NLRP5: variants seen among roughly 807,000 people sequenced by gnomAD.
NLRP5 encodes the protein NLR family pyrin domain containing 5.
In NLRP5, 93 loss-of-function variants were observed where a neutral mutation model predicts 113.1. The observed-to-expected ratio is 0.82, with a 90% CI of 0.70 to 0.98. NLRP5 has a LOEUF of 0.98. Among genes scored for constraint, NLRP5 ranks in the 50% least tolerant of loss-of-function variants. The pLI, the probability that NLRP5 is intolerant of heterozygous loss-of-function variation, is 0.00. For synonymous variants in NLRP5, 751 were observed against 600.7 expected (o/e 1.25, Z -3.66); for missense variants, 1,808 against 1,514.3 (o/e 1.19, Z -3.22).
upstream of NLRP5, among the ~76,000 whole-genome samples, chr19:55,997,025 A>C (rs914119708): frequency 6.6e-6 from 1 of 152,098 alleles, no homozygotes; most frequent in Non-Finnish European, 1.5e-5. Flanking sequence ...AATGATCACC[A>C]TTCTAACTGG....
At position 56,005,107 on chromosome 19, in the gene NLRP5, A is replaced by AAAG. The variant is rs1173746273; in HGVS notation, c.442+1013_442+1014insAGA. On this transcript the variant is annotated intron_variant, in intron 2 of 14. Coordinates refer to ENST00000390649, the MANE Select transcript of NLRP5 (RefSeq NM_153447.4). ...AGACTGTGTCTCAAAAAAAAAAAAA[A>AAAG]ATATATATATATATATATAATATAT... Among the ~76,000 whole-genome samples, 224 of 95,326 alleles carry AAAG rather than the reference A, an allele frequency of 2.3e-3. 11 individuals carry two copies. The highest frequency in any genetic ancestry group is 8.3e-3 in the African/African-American group (213 of 25,818). The allele number at this position is 95,326 out of a possible 152,430, so 62.5% of individuals were successfully genotyped here. A position where few individuals can be genotyped will look rare whatever the true frequency, so the allele number is the denominator to read the frequency against.
intron 3 of NLRP5, among the ~76,000 whole-genome samples, chr19:56,010,298 C>T (rs1053047981): frequency 6.6e-6 from 1 of 152,140 alleles, no homozygotes; most frequent in African/African-American, 2.4e-5. Flanking sequence ...TAAATTGAGG[C>T]AAGGTGGGCT....
At chr19:56,009,028 T>C (rs1388795308) in intron 3 of NLRP5, among the ~76,000 whole-genome samples, 175 bp downstream of exon 3, 1 of 152,086 alleles carries the variant, frequency 6.6e-6, no homozygotes, top group African/African-American at 2.4e-5. Flanking sequence ...GGTATTTCTC[T>C]TTCCAAGTTG....
chr19:56,005,613 C>A (rs1981871971), intron 2 of NLRP5, among the ~76,000 whole-genome samples: 1 of 145,260 alleles, frequency 6.9e-6, no homozygotes, highest in East Asian at 2.2e-4. Flanking sequence ...CCTGTACACA[C>A]ATATATATTT....
In NLRP5 at chr19:56,024,180, G is replaced by C. The variant is rs142347272; in HGVS notation, c.680-2733G>C. The stretch of plus-strand genomic sequence containing the variant: ...TCATTTTTTCACATTTTCAGGCCCT[G>C]TGCTAATGTTGAATGCATATTCTTA... On this transcript the variant is annotated intron_variant, in intron 6 of 14. Coordinates refer to ENST00000390649, the MANE Select transcript of NLRP5 (RefSeq NM_153447.4). 4.0e-5 allele frequency among the ~76,000 whole-genome samples: 6 copies of C among 151,608 alleles called. No homozygotes were observed. In the East Asian group the frequency reaches 9.7e-4, roughly 25 times the overall value.
intron 11 of NLRP5, among the ~76,000 whole-genome samples, chr19:56,049,828 T>C (rs1415398249): frequency 6.6e-6 from 1 of 152,208 alleles, no homozygotes; most frequent in African/African-American, 2.4e-5. Flanking sequence ...ACTAAGCTCC[T>C]GTATTTTTTC....
chr19:56,050,383 A>T (rs2574762), intron 11 of NLRP5, 35 bp from the exon 12 acceptor site: 1 of 1,601,570 alleles, frequency 6.2e-7, no homozygotes, highest in Non-Finnish European at 8.5e-7. Flanking sequence ...GGGAATGAGC[A>T]TCACGATCTT....
intron 11 of NLRP5, among the ~76,000 whole-genome samples, chr19:56,046,297 T>TTGA (rs1983719457): frequency 6.6e-6 from 1 of 152,210 alleles, no homozygotes; most frequent in Admixed American, 6.5e-5. Context: ...TGAAACCCAC[T>TTGA]TGATCATGGT....
Position 56,038,082 on chromosome 19 carries a change from G to A in NLRP5, c.2673G>A (p.Thr891=), listed in dbSNP as rs45624737. 6.2e-3 allele frequency: 10,058 copies of A among 1,613,896 alleles called. 36 individuals carry two copies. Among genetic ancestry groups the A allele is most frequent in the Middle Eastern group, 9.2e-3 (56 of 6,062 alleles). The change falls in exon 10 of 15, where the codon ACG becomes ACA. Residue 891 remains threonine, a synonymous_variant. Coordinates refer to ENST00000390649, the MANE Select transcript of NLRP5 (RefSeq NM_153447.4). Reference sequence around the variant, plus strand: ...ACCTGAAGATCTCCCAAATCCTTACGACCTCCCCCAGCCTGAAATCTCTGA... The same window carrying A: ...ACCTGAAGATCTCCCAAATCCTTACAACCTCCCCCAGCCTGAAATCTCTGA...
intron 13 of NLRP5, among the ~76,000 whole-genome samples, chr19:56,056,058 T>A (rs1006380415): frequency 6.6e-6 from 1 of 152,196 alleles, no homozygotes; most frequent in Non-Finnish European, 1.5e-5. Context: ...ATTAGTTGTC[T>A]GGTCCACTCG....
At position 56,048,977 on chromosome 19, in the gene NLRP5, T is replaced by A. The variant is rs1291576512; in HGVS notation, c.2958-1441T>A. 9.8e-4 allele frequency among the ~76,000 whole-genome samples: 113 copies of A among 115,390 alleles called. 1 individual carries two copies. The highest frequency in any genetic ancestry group is 4.5e-3 in the East Asian group (17 of 3,760). 75.7% of individuals were successfully genotyped at this position (115,390 alleles called of 152,430 possible). The stretch of plus-strand genomic sequence containing the variant: ...GACTTCAAGCTCTGATTTTTTTTTT[T>A]AATTTTTTTTTTTTTTTTTTTTGAG... On this transcript the variant is annotated intron_variant, in intron 11 of 14. Transcript: ENST00000390649.
chr19:56,044,567 T>C (rs1299160937), intron 11 of NLRP5, among the ~76,000 whole-genome samples: 1 of 152,234 alleles, frequency 6.6e-6, no homozygotes, highest in Non-Finnish European at 1.5e-5. Flanking sequence ...TCTGTTTCGT[T>C]GGTCTATGTG....
At chr19:55,990,656 C>T in the NLRP5 span, among the ~76,000 whole-genome samples, 1 of 152,018 alleles carries the variant, frequency 6.6e-6, no homozygotes, top group South Asian at 2.1e-4. Context: ...GAAACCCCGT[C>T]TCTACTAAAA....
chr19:56,034,927 A>G (rs940703830), intron 9 of NLRP5, among the ~76,000 whole-genome samples: 1 of 152,120 alleles, frequency 6.6e-6, no homozygotes, highest in Non-Finnish European at 1.5e-5. Context: ...AGATACAACT[A>G]TTTAATGTTT....
chr19:56,013,503 C>G (rs1982280355), intron 3 of NLRP5, among the ~76,000 whole-genome samples: 1 of 151,030 alleles, frequency 6.6e-6, no homozygotes, highest in South Asian at 2.1e-4. Flanking sequence ...ATATCATAGC[C>G]TGTCTCAGGA....
rs558523171 is a variant in NLRP5, at chr19:56,032,535, T to C, written c.2277-76T>C. 1.1e-4 allele frequency: 155 copies of C among 1,372,294 alleles called. 3 individuals are homozygous for C. The South Asian group carries it at 1.8e-3, about 16-fold the overall frequency. The allele number at this position is 1,372,294 out of a possible 1,614,324, so 85.0% of individuals were successfully genotyped here. ...TCTCACCTCGAGAGCTCGGTCCCTC[T>C]CCTCCGACGTGTTGCCACGACTGCT... On this transcript the variant is annotated intron_variant, in intron 7 of 14. Transcript: ENST00000390649.
At chr19:55,990,705 G>A in the NLRP5 span, among the ~76,000 whole-genome samples, 19 of 151,936 alleles carry the variant, frequency 1.3e-4, no homozygotes, top group African/African-American at 4.1e-4. Flanking sequence ...GGCGCCTGTA[G>A]TCCCAGCTAC....
intron 1 of NLRP5, among the ~76,000 whole-genome samples, chr19:56,003,288 A>T (rs1220903010): frequency 1.3e-5 from 2 of 152,156 alleles, no homozygotes; most frequent in Admixed American, 6.5e-5. Flanking sequence ...AGTAGCTGGG[A>T]TTACAGGCAT....
intron 11 of NLRP5, among the ~76,000 whole-genome samples, chr19:56,046,399 C>CGTGTGTGTGTGTGTGTGTGTGTGTGTGT (rs139653516): frequency 1.0e-4 from 15 of 148,068 alleles, no homozygotes; most frequent in African/African-American, 1.7e-4. Flanking sequence ...TTTGTAGTTT[C>CGTGTGTGTGTGTGTGTGTGTGTGTGTGT]GTGTGTGTGT....
Sources: gnomAD v4.1 joint callset for allele counts (sites outside exome capture counted in the v4.1 genomes callset) on GRCh38, gnomAD v4.1.1 for gene constraint, MANE v1.5 for transcripts, NCBI Gene and HGNC (gene_info 2026-07-23, HGNC 2026-07-21) for gene names.